PDE2A: variants seen among roughly 807,000 people sequenced by gnomAD.
PDE2A encodes cGMP-dependent 3',5'-cyclic phosphodiesterase.
PDE2A carries 53 observed loss-of-function variants against 133.6 expected under a neutral mutation model. The ratio of observed to expected loss-of-function variants is 0.40; its 90% CI spans 0.32 to 0.50. The LOEUF (loss-of-function observed/expected upper bound fraction) is 0.50. Among genes scored for constraint, PDE2A ranks in the 20% least tolerant of loss-of-function variants. The pLI, the probability that PDE2A is intolerant of heterozygous loss-of-function variation, is 0.73. For synonymous variants in PDE2A, 491 were observed against 490.2 expected, an observed-to-expected ratio of 1.00 and a Z score of -0.02; for missense variants, 796 against 1,232.4, an observed-to-expected ratio of 0.65 and a Z score of 5.30.
chr11:72,593,167 C>T (rs1392627550), intron 6 of PDE2A, among the ~76,000 whole-genome samples: 2 of 134,184 alleles, frequency 1.5e-5, no homozygotes, highest in African/African-American at 6.1e-5. Context: ...CACTCAATCT[C>T]CCATGGAGGT....
chr11:72,634,195 C>G (rs866399753), intron 2 of PDE2A, among the ~76,000 whole-genome samples: 34 of 152,214 alleles, frequency 2.2e-4, no homozygotes, highest in African/African-American at 7.7e-4. Context: ...GGCAGAGTCA[C>G]GACAGGAGGG....
At chr11:72,663,083 T>C (rs929828781) in intron 1 of PDE2A, among the ~76,000 whole-genome samples, 1 of 152,274 alleles carries the variant, frequency 6.6e-6, no homozygotes, top group East Asian at 1.9e-4. Context: ...CATCGCCTCC[T>C]CAGGAAGGGT....
chr11:72,664,952 A>G lies in PDE2A; in HGVS notation c.71+9185T>C, dbSNP rs543057411. Among the ~76,000 whole-genome samples, 189 of 151,950 alleles carry G rather than the reference A, an allele frequency of 1.2e-3. 1 individual carries two copies. The highest frequency in any genetic ancestry group is 4.4e-3 in the African/African-American group (183 of 41,464). Reference sequence around the variant, plus strand: ...CCCCCGAGTAGCTGGGATTACAGGCATCCACCACCACGCCCAGCTAATTCT... The same window carrying G: ...CCCCCGAGTAGCTGGGATTACAGGCGTCCACCACCACGCCCAGCTAATTCT... On this transcript the variant is annotated intron_variant, in intron 1 of 30. Transcript: ENST00000334456.
At chr11:72,670,446 C>G (rs998889249) in intron 1 of PDE2A, among the ~76,000 whole-genome samples, 1 of 152,180 alleles carries the variant, frequency 6.6e-6, no homozygotes, top group Admixed American at 6.5e-5. Context: ...GACAGTGCCT[C>G]TGCCTCCAAT....
intron 2 of PDE2A, among the ~76,000 whole-genome samples, chr11:72,641,731 T>C (rs914054965): frequency 2.0e-5 from 3 of 152,056 alleles, no homozygotes; most frequent in African/African-American, 7.2e-5. Context: ...ATTTGGACTC[T>C]GGGGTAGGTT....
intron 1 of PDE2A, among the ~76,000 whole-genome samples, chr11:72,668,789 C>G (rs1298274330): frequency 6.6e-6 from 1 of 152,238 alleles, no homozygotes; most frequent in Non-Finnish European, 1.5e-5. Context: ...GTCAGAACAA[C>G]TTAATGAGGT....
intron 2 of PDE2A, among the ~76,000 whole-genome samples, chr11:72,625,857 G>A (rs1858034217): frequency 6.6e-6 from 1 of 152,214 alleles, no homozygotes; most frequent in Admixed American, 6.5e-5. Flanking sequence ...ACGGAGGCCA[G>A]TGCACACGCT....
In PDE2A at chr11:72,668,278, T is replaced by G. The variant is rs754176922; in HGVS notation, c.71+5859A>C. The G allele has an allele frequency of 1.5e-5, 11 of 718,346 alleles. No homozygotes were observed. In the South Asian group the frequency reaches 1.6e-4, roughly 11 times the overall value. 44.5% of individuals were successfully genotyped at this position (718,346 alleles called of 1,614,324 possible). ...AGCAGACAGATTTGTGCCCCAGGTC[T>G]GGCTCCACTGGCTGAATACCTGTGG... is the stretch of plus-strand genomic sequence containing the variant. On this transcript the variant is annotated intron_variant, in intron 1 of 30. Transcript: ENST00000334456.
chr11:72,669,788 G>A (rs1297145294), intron 1 of PDE2A, among the ~76,000 whole-genome samples: 1 of 152,204 alleles, frequency 6.6e-6, no homozygotes, highest in African/African-American at 2.4e-5. Flanking sequence ...CTTTCTGGAA[G>A]GGGCCCACAT....
intron 3 of PDE2A, 34 bp from the exon 4 acceptor site, chr11:72,605,260 G>T: frequency 7.0e-7 from 1 of 1,431,356 alleles, no homozygotes; most frequent in Non-Finnish European, 9.7e-7. Flanking sequence ...ACCCTGTGGA[G>T]AGGCCCTCCC....
intron 13 of PDE2A, 107 bp from the exon 14 acceptor site, chr11:72,586,288 AC>A (rs2135292206): frequency 2.8e-6 from 2 of 714,448 alleles, no homozygotes; most frequent in Admixed American, 4.1e-5. Flanking sequence ...CCACCTGCCA[AC>A]TATATAACCA....
intron 4 of PDE2A, among the ~76,000 whole-genome samples, chr11:72,602,784 C>T (rs1016052893): frequency 6.6e-6 from 1 of 152,186 alleles, no homozygotes; most frequent in African/African-American, 2.4e-5. Context: ...AGCAGAGAGA[C>T]AGGGAGGGGG....
In PDE2A at chr11:72,584,067, C is replaced by T. The variant is rs578071910; in HGVS notation, c.1650+134G>A. 2.2e-3 allele frequency: 1,351 copies of T among 621,726 alleles called. 6 individuals are homozygous for T. Among genetic ancestry groups the T allele is most frequent in the Non-Finnish European group, 3.2e-3 (1,107 of 348,700 alleles). The allele number at this position is 621,726 out of a possible 1,614,324, so 38.5% of individuals were successfully genotyped here. ...GGCCAGCGTGTCCTGAAGGCTGCAC[C>T]CCAGCGGCGGGACTCTGAGTGCCAG... On this transcript the variant is annotated intron_variant, in intron 19 of 30. Transcript: ENST00000334456.
chr11:72,650,098 T>G (rs982021271), intron 1 of PDE2A, among the ~76,000 whole-genome samples: 118 of 151,198 alleles, frequency 7.8e-4, no homozygotes, highest in African/African-American at 2.7e-3. Context: ...CTCGACTCAC[T>G]GCAACCTCCG....
At chr11:72,627,788 G>A (rs781227621) in intron 2 of PDE2A, among the ~76,000 whole-genome samples, 3 of 152,226 alleles carry the variant, frequency 2.0e-5, no homozygotes, top group South Asian at 2.1e-4. Context: ...CTCCCAAGCC[G>A]CCATCTGGGC....
rs190839855 is a variant in PDE2A at position 72,577,044 on chromosome 11, G to C, written c.*340C>G. On this transcript the variant is annotated 3_prime_UTR_variant, in exon 31 of 31. Coordinates refer to ENST00000334456, the MANE Select transcript of PDE2A (RefSeq NM_002599.5). ...AGGGAAAGGAGCAAAGATCTGGTGG[G>C]GCAGAAATGGGGCAAGGAGAAACCA... 9.9e-3 allele frequency: 2,458 copies of C among 248,888 alleles called. 26 individuals are homozygous for C. Among genetic ancestry groups the C allele is most frequent in the Non-Finnish European group, 0.013 (1,696 of 128,646 alleles). 15.4% of individuals were successfully genotyped at this position (248,888 alleles called of 1,614,324 possible). A position where few individuals can be genotyped will look rare whatever the true frequency, so the allele number is the denominator to read the frequency against.
Position 72,674,182 on chromosome 11 carries a change from A to T in PDE2A, c.26T>A (p.Ile9Asn), listed in dbSNP as rs1855449824. 6.2e-7 allele frequency: 1 copy of T among 1,612,154 alleles called. No individual in the cohort carries two copies. Among genetic ancestry groups the T allele is most frequent in the Non-Finnish European group, 8.5e-7 (1 of 1,179,814 alleles). ...CGGGTACTGCTGGCTCCTGCAGAGG[A>T]TGGAGTGGCCGCATGCCTGCCCCAT... MGQACGHSILCRSQQYPAA... is the reference protein window; with the variant it reads MGQACGHSNLCRSQQYPAA... Residue 9 changes from isoleucine (I) to asparagine (N), a missense_variant, in exon 1 of 31, where the codon ATC becomes AAC. Around this residue, in one of 7 missense-constraint regions of PDE2A, gnomAD observed 417 missense variants for 475.3 expected, o/e 0.88. Transcript: ENST00000334456.
At chr11:72,591,266 C>G in intron 7 of PDE2A, 31 bp downstream of exon 7, 1 of 1,581,310 alleles carries the variant, frequency 6.3e-7, no homozygotes, top group Non-Finnish European at 8.7e-7. Flanking sequence ...GGGTCTTCAG[C>G]CTCATTGCAC....
At chr11:72,669,400 G>C (rs1169912169) in intron 1 of PDE2A, among the ~76,000 whole-genome samples, 2 of 152,166 alleles carry the variant, frequency 1.3e-5, no homozygotes, top group Admixed American at 1.3e-4. Flanking sequence ...GGGTGGGGGG[G>C]CAGTGAGAAG....
Sources: allele counts gnomAD v4.1 joint callset (sites outside exome capture counted in the v4.1 genomes callset), GRCh38; gene constraint gnomAD v4.1.1; regional missense constraint gnomAD v4.1.1; transcripts MANE v1.5; gene names NCBI Gene and HGNC (gene_info 2026-07-23, HGNC 2026-07-21).